VMP1: variants seen among roughly 807,000 people sequenced by gnomAD.
VMP1 encodes the protein vacuole membrane protein 1, also known as ectopic P-granules autophagy protein 3 homolog.
Under a neutral mutation model 56.0 loss-of-function variants are expected in VMP1, and 11 were observed. The ratio of observed to expected loss-of-function variants is 0.20; its 90% CI spans 0.12 to 0.32. The LOEUF is 0.32. Ranked by LOEUF, VMP1 falls within the 10% of genes least tolerant of loss-of-function variation. VMP1 has a pLI of 1.00. For synonymous variants in VMP1, 149 were observed against 165.0 expected (o/e 0.90, Z 0.74); for missense variants, 296 against 490.3 (o/e 0.60, Z 3.74).
intron 10 of VMP1, among the ~76,000 whole-genome samples, chr17:59,820,190 G>C (rs78768757): frequency 6.6e-6 from 1 of 152,150 alleles, no homozygotes; most frequent in East Asian, 1.9e-4. Context: ...AGCCCTCTCT[G>C]TGTTATCTGT....
chr17:59,821,960 A>C (rs558508748), intron 10 of VMP1, among the ~76,000 whole-genome samples: 1 of 151,968 alleles, frequency 6.6e-6, no homozygotes, highest in African/African-American at 2.4e-5. Context: ...TTCCTGCCTC[A>C]GCCTCCCAAG....
chr17:59,838,280 G>A lies in VMP1; in HGVS notation c.975-15G>A. The A allele has an allele frequency of 6.2e-7, 1 of 1,611,642 alleles. No homozygotes were observed. Among genetic ancestry groups the A allele is most frequent in the Non-Finnish European group, 8.5e-7 (1 of 1,178,314 alleles). ...AATGTGTCTTTTTCTTTGGGCTACTGTACCCTGCTTCCAGTGCTGTCCCCG... is the reference window on the plus strand; with the variant it reads ...AATGTGTCTTTTTCTTTGGGCTACTATACCCTGCTTCCAGTGCTGTCCCCG... On this transcript the variant is annotated splice_polypyrimidine_tract_variant and intron_variant, in intron 10 of 11. Transcript: ENST00000262291.
chr17:59,838,252 C>T (rs750847228), intron 10 of VMP1, 43 bp from the exon 11 acceptor site: 2 of 1,561,906 alleles, frequency 1.3e-6, no homozygotes, highest in Admixed American at 3.5e-5. Flanking sequence ...GCTTTTCTTC[C>T]CAAATGTGTC....
At chr17:59,721,476 G>A (rs2034393631) in intron 1 of VMP1, among the ~76,000 whole-genome samples, 1 of 152,140 alleles carries the variant, frequency 6.6e-6, no homozygotes, top group Non-Finnish European at 1.5e-5. Flanking sequence ...CTATAAAATG[G>A]GTCATGATGA....
chr17:59,815,463 G>T (rs1330704824), intron 9 of VMP1, among the ~76,000 whole-genome samples: 2 of 137,868 alleles, frequency 1.5e-5, no homozygotes, highest in Non-Finnish European at 3.1e-5. Flanking sequence ...GGAGGGCAGA[G>T]ATTTTTGTCT....
At chr17:59,838,232 C>T (rs1458148393) in intron 10 of VMP1, 63 bp from the exon 11 acceptor site, 6 of 1,410,652 alleles carry the variant, frequency 4.3e-6, no homozygotes, top group Non-Finnish European at 4.9e-6. Flanking sequence ...TTTTCTTTAA[C>T]GTTTTTCCTG....
At chr17:59,728,208 ATAGT>A (rs2143786058) in intron 1 of VMP1, among the ~76,000 whole-genome samples, 1 of 152,314 alleles carries the variant, frequency 6.6e-6, no homozygotes, top group South Asian at 2.1e-4. Context: ...AATAGTTACA[ATAGT>A]TAGAGTTTAG....
At chr17:59,770,408 C>A (rs2036381374) in intron 6 of VMP1, among the ~76,000 whole-genome samples, 1 of 151,656 alleles carries the variant, frequency 6.6e-6, no homozygotes, top group African/African-American at 2.4e-5. Context: ...GTATCTATAC[C>A]CTTTCTCATT....
At chr17:59,757,638 A>G (rs556028467) in intron 5 of VMP1, among the ~76,000 whole-genome samples, 80 of 152,214 alleles carry the variant, frequency 5.3e-4, no homozygotes, top group African/African-American at 1.9e-3. Flanking sequence ...CTGCCTGGCC[A>G]AGCACTACAT....
Position 59,838,306 on chromosome 17 carries a change from G to T in VMP1, c.986G>T (p.Gly329Val). The change falls in exon 11 of 12, where the codon GGC (glycine) becomes GTC (valine). Residue 329 changes from glycine (G) to valine (V), a missense_variant. Physicochemically the swap from Gly to Val is moderately radical, Grantham distance 109. Coordinates refer to ENST00000262291, the MANE Select transcript of VMP1 (RefSeq NM_030938.5). The stretch of plus-strand genomic sequence containing the variant: ...TACCCTGCTTCCAGTGCTGTCCCCG[G>T]CATAGGTCCATCTCTGCAGAAGCCA... ...QMVAFIGAVP[G>V]IGPSLQKPFQ... is the part of the protein sequence containing the mutation. 5.0e-6 allele frequency: 8 copies of T among 1,613,892 alleles called. No homozygotes were observed. The highest frequency in any genetic ancestry group is 6.8e-6 in the Non-Finnish European group (8 of 1,179,944).
At chr17:59,710,778 A>C (rs1013507478) in intron 1 of VMP1, among the ~76,000 whole-genome samples, 1 of 152,190 alleles carries the variant, frequency 6.6e-6, no homozygotes, top group Non-Finnish European at 1.5e-5. Flanking sequence ...GCTAAAGAGT[A>C]GGAGAGAACT....
At chr17:59,799,864 G>A (rs1267141367) in intron 7 of VMP1, among the ~76,000 whole-genome samples, 1 of 151,154 alleles carries the variant, frequency 6.6e-6, no homozygotes, top group Non-Finnish European at 1.5e-5. Flanking sequence ...TCGGGAGGCT[G>A]AGGCAGGAGA....
At chr17:59,715,419 G>C (rs1485740285) in intron 1 of VMP1, among the ~76,000 whole-genome samples, 1 of 152,254 alleles carries the variant, frequency 6.6e-6, no homozygotes, top group East Asian at 1.9e-4. Context: ...GTGTGAAGGA[G>C]GAATTGTCAA....
chr17:59,745,641 CA>C (rs1391855931), intron 5 of VMP1, among the ~76,000 whole-genome samples: 5 of 152,162 alleles, frequency 3.3e-5, no homozygotes, highest in African/African-American at 4.8e-5. Flanking sequence ...ATCCTAATTA[CA>C]CTTACTTTCA....
chr17:59,836,200 CTTTT>C (rs994713898), intron 10 of VMP1, among the ~76,000 whole-genome samples: 8 of 150,910 alleles, frequency 5.3e-5, no homozygotes, highest in African/African-American at 1.7e-4. Flanking sequence ...ATTAAAGAAT[CTTTT>C]TTTTATTTTT....
rs527910326 is a variant in VMP1, at chr17:59,708,348, C to T, written c.-27+600C>T. The stretch of plus-strand genomic sequence containing the variant: ...TCTGCCTTTCCAAACCCCTGAACCC[C>T]GACCTCTATATCTTATTACAGTGGA... On this transcript the variant is annotated intron_variant, in intron 1 of 11. Coordinates refer to ENST00000262291, the MANE Select transcript of VMP1 (RefSeq NM_030938.5). Among the ~76,000 whole-genome samples, 23 of 152,270 alleles carry T rather than the reference C, an allele frequency of 1.5e-4. No homozygotes were observed. The South Asian group carries it at 4.6e-3, about 30-fold the overall frequency.
chr17:59,828,872 T>C (rs775192790), intron 10 of VMP1, among the ~76,000 whole-genome samples: 5 of 152,182 alleles, frequency 3.3e-5, no homozygotes, highest in Non-Finnish European at 5.9e-5. Flanking sequence ...TCCCAGCATT[T>C]TGGGAGGTCA....
At chr17:59,838,881 G>A (rs1405225658) in intron 11 of VMP1, 1 of 152,688 alleles carries the variant, frequency 6.5e-6, no homozygotes, top group African/African-American at 2.4e-5. Flanking sequence ...TTCTGTAAAC[G>A]ATTCTGAGGC....
At chr17:59,782,101 G>T (rs1047526667) in intron 7 of VMP1, among the ~76,000 whole-genome samples, 24 of 152,104 alleles carry the variant, frequency 1.6e-4, no homozygotes, top group Non-Finnish European at 3.1e-4. Flanking sequence ...TAGAGATGGG[G>T]TTTCACCATG....
Sources: gnomAD v4.1 joint callset for allele counts (sites outside exome capture counted in the v4.1 genomes callset) on GRCh38, gnomAD v4.1.1 for gene constraint, MANE v1.5 for transcripts, NCBI Gene and HGNC (gene_info 2026-07-23, HGNC 2026-07-21) for gene names.